The following FCRL2 variants were observed in gnomAD, a reference collection of about 807,000 sequenced individuals.
The protein encoded by FCRL2 is Fc receptor-like protein 2.
A neutral mutation model predicts 59.8 loss-of-function variants in FCRL2; 48 were observed. The ratio of observed to expected loss-of-function variants is 0.80; its 90% confidence interval spans 0.64 to 1.02. FCRL2 has a LOEUF of 1.02. Ranked by LOEUF, FCRL2 falls within the 50% of genes least tolerant of loss-of-function variation. FCRL2 has a pLI of 0.00. For missense variants in FCRL2, 658 were observed against 597.3 expected (o/e 1.10, Z -1.06); for synonymous variants, 251 against 229.5 (o/e 1.09, Z -0.85).
chr1:157,755,010 C>T (rs1378961832), intron 7 of FCRL2, among the ~76,000 whole-genome samples: 1 of 151,776 alleles, frequency 6.6e-6, no homozygotes, highest in Non-Finnish European at 1.5e-5. Context: ...CTTTTTCTAT[C>T]ATCTAAGAAT....
intron 2 of FCRL2, among the ~76,000 whole-genome samples, chr1:157,774,248 G>A (rs1353730093): frequency 6.6e-6 from 1 of 152,196 alleles, no homozygotes. Context: ...CTGCTCTGCT[G>A]AATAGCATTT....
intron 2 of FCRL2, among the ~76,000 whole-genome samples, chr1:157,773,675 TCAG>T (rs1650195230): frequency 6.6e-6 from 1 of 152,128 alleles, no homozygotes; most frequent in South Asian, 2.1e-4. Flanking sequence ...TTTGAAGGCC[TCAG>T]CAGAAGTGTG....
In FCRL2 at chr1:157,746,011, C is replaced by T. The variant is rs1424492295; in HGVS notation, c.*725G>A. ...GAGGAAACGGCTAAATTCCTGGAAA[C>T]ACACAATCTCCCAAGATTGAACCAG... is the stretch of plus-strand genomic sequence containing the variant. On this transcript the variant is annotated 3_prime_UTR_variant, in exon 12 of 12. Coordinates refer to ENST00000361516, the MANE Select transcript of FCRL2 (RefSeq NM_030764.4). 6.6e-6 allele frequency: 1 copy of T among 152,132 alleles called. No homozygotes were observed. Among genetic ancestry groups the T allele is most frequent in the Non-Finnish European group, 1.5e-5 (1 of 68,032 alleles). 9.4% of individuals were successfully genotyped at this position (152,132 alleles called of 1,614,324 possible). A position where few individuals can be genotyped will look rare whatever the true frequency, so the allele number is the denominator to read the frequency against.
intron 2 of FCRL2, chr1:157,774,303 T>C (rs1650245805): frequency 2.7e-6 from 1 of 374,640 alleles, no homozygotes; most frequent in South Asian, 2.0e-5. Context: ...CCAGAAACTT[T>C]TCCCCAGAGC....
intron 1 of FCRL2, 119 bp downstream of exon 1, chr1:157,776,924 G>T (rs1182933742): frequency 4.3e-6 from 4 of 928,606 alleles, no homozygotes; most frequent in Non-Finnish European, 7.0e-6. Context: ...AGCCCAAGCT[G>T]CAGGCAGGAC....
rs747798173 is a variant in FCRL2, at chr1:157,767,472, A to G, written c.921T>C (p.Pro307=). Residue 307 remains proline, a synonymous_variant, in exon 6 of 12, where the codon CCT becomes CCC. Transcript: ENST00000361516. ...GGTCCCCCACTGCAGCCTGGGCCCCAGGAGACCTGAGGGTGAGGACAGGGC... is the reference window on the plus strand; with the variant it reads ...GGTCCCCCACTGCAGCCTGGGCCCCGGGAGACCTGAGGGTGAGGACAGGGC... ...VSRPVLTLRS[P]GAQAAVGDLL... 1.2e-6 allele frequency: 2 copies of G among 1,614,120 alleles called. No homozygotes were observed. Among genetic ancestry groups the G allele is most frequent in the Non-Finnish European group, 1.7e-6 (2 of 1,180,040 alleles).
intron 7 of FCRL2, among the ~76,000 whole-genome samples, chr1:157,759,845 C>T (rs564802241): frequency 1.3e-5 from 2 of 152,206 alleles, no homozygotes; most frequent in South Asian, 2.1e-4. Context: ...TTGTTGGTGG[C>T]AATGTAAATT....
intron 1 of FCRL2, 93 bp from the exon 2 acceptor site, chr1:157,775,888 C>A (rs1421176007): frequency 2.2e-6 from 3 of 1,392,550 alleles, no homozygotes; most frequent in Admixed American, 2.1e-5. Context: ...TCAAAAACTT[C>A]TTTCCATTTT....
At position 157,757,448 on chromosome 1, in the gene FCRL2, G is replaced by A. The variant is rs574512184; in HGVS notation, c.1280-7771C>T. ...ACGTGTATAGGTATGTAACAAACCT[G>A]CACGTTCTGCACATATACCCCAGAA... On this transcript the variant is annotated intron_variant, in intron 7 of 11. Transcript: ENST00000361516. Among the ~76,000 whole-genome samples, 314 of 152,068 alleles carry A rather than the reference G, an allele frequency of 2.1e-3. 4 individuals carry two copies. The highest frequency in any genetic ancestry group is 0.014 in the South Asian group (67 of 4,826).
intron 2 of FCRL2, among the ~76,000 whole-genome samples, chr1:157,771,709 G>A (rs925553777): frequency 3.3e-5 from 5 of 152,096 alleles, no homozygotes; most frequent in African/African-American, 1.2e-4. Flanking sequence ...ACTATGTTTT[G>A]TGTCTATGAC....
At chr1:157,752,566 A>G (rs1648275346) in intron 7 of FCRL2, among the ~76,000 whole-genome samples, 1 of 152,252 alleles carries the variant, frequency 6.6e-6, no homozygotes, top group Admixed American at 6.5e-5. Flanking sequence ...AACCAGAGTC[A>G]GGGAAAATAT....
intron 7 of FCRL2, among the ~76,000 whole-genome samples, chr1:157,751,716 G>C (rs550753600): frequency 6.6e-6 from 1 of 152,182 alleles, no homozygotes; most frequent in Non-Finnish European, 1.5e-5. Flanking sequence ...CCAAAATAAG[G>C]GTGGAGGGGA....
chr1:157,767,140 C>T lies in FCRL2; in HGVS notation c.1162+91G>A. The T allele has an allele frequency of 4.7e-6, 7 of 1,475,186 alleles. No individual in the cohort carries two copies. In the South Asian group the frequency reaches 7.9e-5, roughly 17 times the overall value. The allele number at this position is 1,475,186 out of a possible 1,614,324, so 91.4% of individuals were successfully genotyped here. A position where few individuals can be genotyped will look rare whatever the true frequency, so the allele number is the denominator to read the frequency against. On this transcript the variant is annotated intron_variant, in intron 6 of 11. Coordinates refer to ENST00000361516, the MANE Select transcript of FCRL2 (RefSeq NM_030764.4). ...GAGAAGCCACTGGACACTGAGATCACCTTCCCCCTCTTCACACACAGCAGA... is the reference window on the plus strand; with the variant it reads ...GAGAAGCCACTGGACACTGAGATCATCTTCCCCCTCTTCACACACAGCAGA...
At chr1:157,773,303 G>A (rs918682609) in intron 2 of FCRL2, among the ~76,000 whole-genome samples, 9 of 152,234 alleles carry the variant, frequency 5.9e-5, no homozygotes, top group Non-Finnish European at 1.2e-4. Context: ...GCACACAATG[G>A]TGCTGGCATT....
At chr1:157,752,724 A>G (rs1371765931) in intron 7 of FCRL2, among the ~76,000 whole-genome samples, 3 of 152,208 alleles carry the variant, frequency 2.0e-5, no homozygotes, top group East Asian at 3.8e-4. Context: ...CTTAGCAAGA[A>G]ATGGTGAAAG....
At position 157,767,212 on chromosome 1, in the gene FCRL2, C is replaced by T. The variant is rs192985847; in HGVS notation, c.1162+19G>A. The T allele has an allele frequency of 6.3e-6, 10 of 1,599,416 alleles. No individual in the cohort carries two copies. In the African/African-American group the frequency reaches 1.2e-4, roughly 19 times the overall value. ...CAGCCATTGACATCAAACTCTGTAT[C>T]CAGGTAACACCCACCCACCTGAGAT... On this transcript the variant is annotated intron_variant, in intron 6 of 11. Transcript: ENST00000361516.
intron 7 of FCRL2, among the ~76,000 whole-genome samples, chr1:157,760,515 C>T (rs559422471): frequency 1.3e-5 from 2 of 151,836 alleles, no homozygotes; most frequent in South Asian, 4.2e-4. Context: ...GTAATCTCAG[C>T]TACCCAGGAG....
chr1:157,759,065 G>A (rs1330674937), intron 7 of FCRL2, among the ~76,000 whole-genome samples: 2 of 152,176 alleles, frequency 1.3e-5, no homozygotes, highest in Non-Finnish European at 1.5e-5. Flanking sequence ...CCCGGTGGGA[G>A]GTAATTGAAT....
At chr1:157,756,465 T>G (rs1336992851) in intron 7 of FCRL2, among the ~76,000 whole-genome samples, 1 of 152,146 alleles carries the variant, frequency 6.6e-6, no homozygotes, top group Non-Finnish European at 1.5e-5. Context: ...AGAAGATCGC[T>G]TGAGCCCAGG....
Sources: allele counts gnomAD v4.1 joint callset (sites outside exome capture counted in the v4.1 genomes callset), GRCh38; gene constraint gnomAD v4.1.1; transcripts MANE v1.5; gene names NCBI Gene and HGNC (gene_info 2026-07-23, HGNC 2026-07-21).